FNBP1L: variants seen among roughly 807,000 people sequenced by gnomAD.
The protein encoded by FNBP1L is formin-binding protein 1-like.
A neutral mutation model predicts 91.2 loss-of-function variants in FNBP1L; 36 were observed. The observed-to-expected ratio is 0.39, with a 90% CI of 0.30 to 0.52. The LOEUF is 0.52. Ranked by LOEUF, FNBP1L falls within the 20% of genes least tolerant of loss-of-function variation. The pLI, the probability that FNBP1L is intolerant of heterozygous loss-of-function variation, is 0.66. For synonymous variants in FNBP1L, 242 were observed against 237.0 expected (o/e 1.02, Z -0.19); for missense variants, 571 against 732.1 (o/e 0.78, Z 2.54).
chr1:93,505,580 G>A (rs1670582277), intron 2 of FNBP1L, among the ~76,000 whole-genome samples: 2 of 152,184 alleles, frequency 1.3e-5, no homozygotes, highest in Non-Finnish European at 1.5e-5. Context: ...GTATAAGCAC[G>A]CTAGGGTAAA....
intron 2 of FNBP1L, among the ~76,000 whole-genome samples, chr1:93,508,269 G>C (rs989905138): frequency 6.6e-6 from 1 of 152,010 alleles, no homozygotes; most frequent in Non-Finnish European, 1.5e-5. Context: ...AGGATTGCTT[G>C]ACCCAGGAGG....
chr1:93,465,973 C>T (rs567636171), intron 1 of FNBP1L, among the ~76,000 whole-genome samples: 2 of 152,246 alleles, frequency 1.3e-5, no homozygotes, highest in South Asian at 2.1e-4. Flanking sequence ...AGCATTTTTT[C>T]ATGTGTCTGT....
chr1:93,490,901 A>C (rs1473623093), intron 1 of FNBP1L, among the ~76,000 whole-genome samples: 1 of 152,156 alleles, frequency 6.6e-6, no homozygotes, highest in East Asian at 1.9e-4. Context: ...TACTTTTGAT[A>C]ATCTAAGACT....
intron 1 of FNBP1L, among the ~76,000 whole-genome samples, chr1:93,491,900 A>G (rs950471457): frequency 1.4e-4 from 22 of 152,334 alleles, no homozygotes; most frequent in African/African-American, 5.0e-4. Context: ...TTATAAAATA[A>G]ATTTAAAACT....
chr1:93,529,753 A>G lies in FNBP1L; in HGVS notation c.507A>G (p.Glu169=). The G allele has an allele frequency of 1.3e-6, 2 of 1,497,268 alleles. No homozygotes were observed. The highest frequency in any genetic ancestry group is 1.8e-6 in the Non-Finnish European group (2 of 1,120,998). 92.7% of individuals were successfully genotyped at this position (1,497,268 alleles called of 1,614,324 possible). ...NDTNATKADV[E]KAKQQLNLRT... is the part of the protein sequence containing the mutation. ...CTAATGCAACCAAGGCAGATGTTGA[A>G]AAGGTAAGAAATACTCCAAACCAAC... The change falls in exon 6 of 17, where the codon GAA becomes GAG. Residue 169 remains glutamate (E), a synonymous_variant. Coordinates refer to ENST00000271234, the MANE Select transcript of FNBP1L (RefSeq NM_001164473.3).
At chr1:93,517,271 C>T (rs1350620609) in intron 2 of FNBP1L, among the ~76,000 whole-genome samples, 1 of 152,100 alleles carries the variant, frequency 6.6e-6, no homozygotes, top group African/African-American at 2.4e-5. Context: ...GTCTCAAACT[C>T]TGACCTCAAA....
intron 2 of FNBP1L, among the ~76,000 whole-genome samples, chr1:93,513,867 G>C (rs1359101085): frequency 3.3e-5 from 5 of 152,114 alleles, no homozygotes; most frequent in Non-Finnish European, 1.5e-5. Context: ...CACAAGACAG[G>C]GATGCCCTCT....
intron 2 of FNBP1L, among the ~76,000 whole-genome samples, chr1:93,515,110 T>G (rs957476765): frequency 4.6e-5 from 7 of 152,194 alleles, no homozygotes; most frequent in South Asian, 2.1e-4. Flanking sequence ...TGAAGGACAT[T>G]AACAGACACT....
intron 11 of FNBP1L, 104 bp from the exon 12 acceptor site, chr1:93,544,003 A>G: frequency 1.3e-6 from 1 of 773,926 alleles, no homozygotes; most frequent in Non-Finnish European, 1.9e-6. Flanking sequence ...GCAAATTTGA[A>G]ATTAAACTTA....
chr1:93,530,020 C>A lies in FNBP1L; in HGVS notation c.510+264C>A, dbSNP rs535996938. On this transcript the variant is annotated intron_variant, in intron 6 of 16. Transcript: ENST00000271234. The stretch of plus-strand genomic sequence containing the variant: ...ACTGGGATTGAGTTTTTAGCCTATT[C>A]CAAAATAGGTTAGAAAGCTAAGATG... 2.4e-4 allele frequency among the ~76,000 whole-genome samples: 36 copies of A among 152,150 alleles called. No individual in the cohort carries two copies. In the South Asian group the frequency reaches 5.2e-3, roughly 22 times the overall value.
At chr1:93,502,834 AGAGTT>A (rs1157572335) in intron 2 of FNBP1L, among the ~76,000 whole-genome samples, 4 of 152,202 alleles carry the variant, frequency 2.6e-5, no homozygotes, top group African/African-American at 9.6e-5. Context: ...GGAGTAATGA[AGAGTT>A]GAGAGAAGGC....
chr1:93,463,848 T>C (rs535803643), intron 1 of FNBP1L, among the ~76,000 whole-genome samples: 1 of 152,332 alleles, frequency 6.6e-6, no homozygotes, highest in East Asian at 1.9e-4. Flanking sequence ...TAAAACAGAT[T>C]CTCCTATCAC....
At chr1:93,507,111 T>A (rs61784065) in intron 2 of FNBP1L, among the ~76,000 whole-genome samples, 391 of 81,038 alleles carry the variant, frequency 4.8e-3, no homozygotes, top group African/African-American at 0.02. Flanking sequence ...ACACACACTC[T>A]CTCTCTCTCT....
intron 1 of FNBP1L, among the ~76,000 whole-genome samples, chr1:93,497,729 C>T (rs1479233269): frequency 1.3e-5 from 2 of 152,120 alleles, no homozygotes; most frequent in African/African-American, 4.8e-5. Flanking sequence ...AAGCAATTCT[C>T]CTGCCTCAGC....
At chr1:93,485,849 A>G (rs1467233061) in intron 1 of FNBP1L, among the ~76,000 whole-genome samples, 2 of 152,084 alleles carry the variant, frequency 1.3e-5, no homozygotes, top group Non-Finnish European at 2.9e-5. Context: ...GGTGCCTGCC[A>G]CCACGCCTGG....
chr1:93,532,937 GACGA>G lies in FNBP1L; in HGVS notation c.661_664del (p.Arg221GlyfsTer30). On this transcript the variant is annotated frameshift_variant, in exon 8 of 17. Transcript: ENST00000271234. LOFTEE classifies it high-confidence loss of function. The stretch of plus-strand genomic sequence containing the variant: ...TGATTATTAGCAACTACAAGAAATG[GACGA>G]ACGAAGGACTATTAAACTCAGTGAG... The G allele has an allele frequency of 6.2e-7, 1 of 1,601,220 alleles. No individual in the cohort carries two copies. The highest frequency in any genetic ancestry group is 1.3e-5 in the African/African-American group (1 of 74,714).
intron 2 of FNBP1L, among the ~76,000 whole-genome samples, chr1:93,503,347 C>T (rs1670499903): frequency 6.6e-6 from 1 of 152,132 alleles, no homozygotes; most frequent in Non-Finnish European, 1.5e-5. Flanking sequence ...TTATCTCCAC[C>T]TGGTCCCTCC....
intron 2 of FNBP1L, among the ~76,000 whole-genome samples, chr1:93,515,593 T>G (rs573388891): frequency 0.028 from 4,204 of 151,980 alleles, 182 homozygotes; most frequent in African/African-American, 0.093. Context: ...CCATAAAAAA[T>G]GATGAGTTCA....
chr1:93,548,066 G>A (rs895196210), intron 14 of FNBP1L, among the ~76,000 whole-genome samples: 6 of 151,980 alleles, frequency 3.9e-5, no homozygotes, highest in Non-Finnish European at 1.5e-5. Context: ...ATAAAATGGA[G>A]GTTAAAATAT....
Sources: allele counts gnomAD v4.1 joint callset (sites outside exome capture counted in the v4.1 genomes callset), GRCh38; gene constraint gnomAD v4.1.1; transcripts MANE v1.5; gene names NCBI Gene and HGNC (gene_info 2026-07-23, HGNC 2026-07-21).